The following KRT80 variants were observed in gnomAD, a reference collection of about 807,000 sequenced individuals.
The protein encoded by KRT80 is keratin 80, also known as keratin, type II cytoskeletal 80.
KRT80 carries 36 observed loss-of-function variants against 51.5 expected under a neutral mutation model. The ratio of observed to expected loss-of-function variants is 0.70; its 90% confidence interval spans 0.54 to 0.92. The LOEUF (loss-of-function observed/expected upper bound fraction) is 0.92. KRT80 is among the 40% of genes least tolerant of loss of function. The pLI is 0.00. For synonymous variants in KRT80, 235 were observed against 248.3 expected (o/e 0.95, Z 0.50); for missense variants, 566 against 591.7 (o/e 0.96, Z 0.45).
At chr12:52,175,970 G>A (rs964935189) in intron 4 of KRT80, among the ~76,000 whole-genome samples, 1 of 152,124 alleles carries the variant, frequency 6.6e-6, no homozygotes, top group Admixed American at 6.5e-5. Flanking sequence ...GGTGGGTGTG[G>A]GGGGCCTCAG....
chr12:52,191,113 A>G (rs757299031), intron 1 of KRT80, among the ~76,000 whole-genome samples: 3 of 151,974 alleles, frequency 2.0e-5, no homozygotes, highest in Non-Finnish European at 4.4e-5. Context: ...GCAGCCCCGC[A>G]CTCACCCTCC....
At chr12:52,179,067 G>A (rs528621011) in intron 4 of KRT80, among the ~76,000 whole-genome samples, 1 of 152,356 alleles carries the variant, frequency 6.6e-6, no homozygotes, top group African/African-American at 2.4e-5. Context: ...TAGAGCTTGA[G>A]CTCTGAGCTT....
intron 3 of KRT80, 61 bp downstream of exon 3, chr12:52,180,842 G>C (rs765090345): frequency 6.8e-6 from 11 of 1,611,476 alleles, no homozygotes; most frequent in South Asian, 2.2e-5. Flanking sequence ...AGGATATCTG[G>C]AGGGAAAGAG....
At chr12:52,185,351 C>A in intron 2 of KRT80, 28 bp downstream of exon 2, 1 of 1,586,460 alleles carries the variant, frequency 6.3e-7, no homozygotes, top group South Asian at 1.2e-5. Context: ...TCAGGCCTTG[C>A]TCATGGCTCT....
chr12:52,174,054 G>C (rs1941173351), intron 4 of KRT80, among the ~76,000 whole-genome samples: 1 of 152,246 alleles, frequency 6.6e-6, no homozygotes, highest in Non-Finnish European at 1.5e-5. Flanking sequence ...CCCACTGCCT[G>C]CACTGTTGCC....
Position 52,171,678 on chromosome 12 carries a change from A to G in KRT80, c.1214T>C (p.Val405Ala). The change falls in exon 8 of 9, where the codon GTG becomes GCG. Residue 405 changes from valine (V) to alanine (A), a missense_variant. By Grantham distance (64) the Val-to-Ala change is moderately conservative. Transcript: ENST00000394815. ...CTCACCGGTTTTGCACCTGGACTGC[A>G]CAGCGCTGACCACAGTGGCTGAGGG... ...DSPSATVVSA[V>A]QSRCKTAASR... 1 of 1,346,446 alleles carries G rather than the reference A, an allele frequency of 7.4e-7. No homozygotes were observed. The highest frequency in any genetic ancestry group is 1.2e-5 in the South Asian group (1 of 83,350). The allele number at this position is 1,346,446 out of a possible 1,614,324, so 83.4% of individuals were successfully genotyped here.
chr12:52,185,821 C>T (rs1941396468), intron 1 of KRT80: 2 of 799,740 alleles, frequency 2.5e-6, no homozygotes, highest in Admixed American at 2.8e-5. Flanking sequence ...CAAAGGTTTC[C>T]AGGCGAGGGC....
intron 6 of KRT80, 53 bp from the exon 7 acceptor site, chr12:52,172,471 G>A (rs1202825872): frequency 7.9e-6 from 12 of 1,515,436 alleles, no homozygotes; most frequent in African/African-American, 4.1e-5. Context: ...AAGGAGGAGC[G>A]GGCCAGGGCC....
chr12:52,189,268 A>C (rs899716198), intron 1 of KRT80, among the ~76,000 whole-genome samples: 1 of 150,658 alleles, frequency 6.6e-6, no homozygotes, highest in Non-Finnish European at 1.5e-5. Context: ...GAGTCCCTTC[A>C]CTCCTCTATC....
At chr12:52,180,684 C>A (rs1423056625) in intron 3 of KRT80, 76 bp from the exon 4 acceptor site, 2 of 1,583,700 alleles carry the variant, frequency 1.3e-6, no homozygotes. Flanking sequence ...GGGGGGCTGC[C>A]TCCTGGGTGA....
At chr12:52,173,016 G>T in intron 6 of KRT80, 22 bp downstream of exon 6, 1 of 1,593,540 alleles carries the variant, frequency 6.3e-7, no homozygotes, top group South Asian at 1.1e-5. Flanking sequence ...CCCGCCCCCA[G>T]GCGCGTCCCC....
rs200376311 is a variant in KRT80 at position 52,191,670 on chromosome 12, T to A, written c.233A>T (p.Gln78Leu). ...LDVKLDPAVQQLKNQEKEEMK... is the reference protein window; with the variant it reads ...LDVKLDPAVQLLKNQEKEEMK... ...CTCCTCCTTCTCCTGGTTCTTCAGC[T>A]GCTGAACAGCGGGGTCCAACTTGAC... The change falls in exon 1 of 9, where the codon CAG becomes CTG. Residue 78 changes from glutamine (Q) to leucine (L), a missense_variant. Physicochemically the swap from Gln to Leu is moderately radical, Grantham distance 113 (BLOSUM62 -2). Coordinates refer to ENST00000394815, the MANE Select transcript of KRT80 (RefSeq NM_182507.3). 89 of 1,612,898 alleles carry A rather than the reference T, an allele frequency of 5.5e-5. No individual in the cohort carries two copies. The African/African-American group carries it at 1.0e-3, about 18-fold the overall frequency.
chr12:52,171,846 G>A (rs1941111092), intron 7 of KRT80, 133 bp from the exon 8 acceptor site: 9 of 678,992 alleles, frequency 1.3e-5, no homozygotes, highest in African/African-American at 9.0e-5. Context: ...GGGTTGCCCT[G>A]TTGTGTGGCC....
chr12:52,172,544 C>G (rs1941127026), intron 6 of KRT80, 126 bp from the exon 7 acceptor site: 1 of 813,536 alleles, frequency 1.2e-6, no homozygotes, highest in Non-Finnish European at 1.9e-6. Flanking sequence ...AATGGCATTT[C>G]TGGGTGTGGT....
chr12:52,174,702 T>C (rs958152001), intron 4 of KRT80, among the ~76,000 whole-genome samples: 6 of 152,244 alleles, frequency 3.9e-5, no homozygotes, highest in Admixed American at 3.9e-4. Context: ...GGAGCCCCTG[T>C]TGCTGCTGCT....
rs1941105549 is a variant in KRT80, at chr12:52,171,669, C to G, written c.1223G>C (p.Arg408Thr). ...GCAAGAGGACTCACCGGTTTTGCAC[C>G]TGGACTGCACAGCGCTGACCACAGT... ...SATVVSAVQS[R>T]CKTAASRSGL... The change falls in exon 8 of 9, where the codon AGG becomes ACG. Residue 408 changes from arginine to threonine, a missense_variant. Arg to Thr is a moderately conservative substitution (Grantham distance 71). Transcript: ENST00000394815. 2 of 1,385,158 alleles carry G rather than the reference C, an allele frequency of 1.4e-6. No homozygotes were observed. Among genetic ancestry groups the G allele is most frequent in the African/African-American group, 3.1e-5 (2 of 65,084 alleles). The allele number at this position is 1,385,158 out of a possible 1,614,324, so 85.8% of individuals were successfully genotyped here. A position where few individuals can be genotyped will look rare whatever the true frequency, so the allele number is the denominator to read the frequency against.
intron 2 of KRT80, among the ~76,000 whole-genome samples, chr12:52,185,176 G>A (rs932124515): frequency 6.6e-6 from 1 of 152,222 alleles, no homozygotes; most frequent in Non-Finnish European, 1.5e-5. Context: ...TTGCTATTAG[G>A]GAGGGGGCGG....
chr12:52,188,178 G>A (rs1941433684), intron 1 of KRT80, among the ~76,000 whole-genome samples: 1 of 152,162 alleles, frequency 6.6e-6, no homozygotes, highest in Non-Finnish European at 1.5e-5. Flanking sequence ...TAATCCTGGT[G>A]CCCTGAGAGG....
At chr12:52,188,685 T>C (rs1008141930) in intron 1 of KRT80, among the ~76,000 whole-genome samples, 9 of 152,154 alleles carry the variant, frequency 5.9e-5, no homozygotes, top group Admixed American at 2.0e-4. Context: ...CATCCCTCTG[T>C]CTCCATCCCT....
Sources: gnomAD v4.1 joint callset for allele counts (sites outside exome capture counted in the v4.1 genomes callset) on GRCh38, gnomAD v4.1.1 for gene constraint, MANE v1.5 for transcripts, NCBI Gene and HGNC (gene_info 2026-07-23, HGNC 2026-07-21) for gene names.